PPM1G: variants seen among roughly 807,000 people sequenced by gnomAD.
PPM1G encodes the protein protein phosphatase 1G.
Under a neutral mutation model 59.4 loss-of-function variants are expected in PPM1G, and 12 were observed. The observed-to-expected ratio is 0.20, with a 90% CI of 0.13 to 0.33. The LOEUF is 0.33. PPM1G is among the 10% of genes least tolerant of loss of function. The probability of loss-of-function intolerance (pLI) is 1.00; values close to 1 mark genes in which losing one functional copy is unlikely to be tolerated. For synonymous variants in PPM1G, 245 were observed against 251.9 expected (o/e 0.97, Z 0.26); for missense variants, 392 against 681.3 (o/e 0.58, Z 4.73).
intron 1 of PPM1G, chr2:27,393,060 G>T: frequency 7.8e-7 from 1 of 1,286,378 alleles, no homozygotes; most frequent in East Asian, 2.3e-5. Flanking sequence ...GTAATCCATC[G>T]CATTCAGCCC....
chr2:27,394,014 G>A (rs956638522), intron 1 of PPM1G, among the ~76,000 whole-genome samples: 1 of 151,928 alleles, frequency 6.6e-6, no homozygotes. Flanking sequence ...CACCTGCCTC[G>A]GCCTCCCAAA....
In PPM1G at chr2:27,381,260, C is replaced by T; in HGVS notation, c.*339G>A. On this transcript the variant is annotated 3_prime_UTR_variant, in exon 10 of 10. Transcript: ENST00000344034. ...GAAAGTGTACAACAGAGAGCGGGTG[C>T]AAGCGGCCGAGGGCCATGGAGCCGC... The T allele has an allele frequency of 2.6e-6, 1 of 389,298 alleles. No individual in the cohort carries two copies. Among genetic ancestry groups the T allele is most frequent in the Non-Finnish European group, 4.8e-6 (1 of 209,058 alleles). The allele number at this position is 389,298 out of a possible 1,614,324, so 24.1% of individuals were successfully genotyped here.
rs1048753961 is a variant in PPM1G at position 27,395,840 on chromosome 2, CA to C, written c.121-8683del. ...AGCATGAGCAAGAATAAGACCGTCT[CA>C]AAAAAAAAAAAAAAGAAAAAGGAAA... On this transcript the variant is annotated intron_variant, in intron 1 of 9. Transcript: ENST00000344034. 9.1e-3 allele frequency among the ~76,000 whole-genome samples: 520 copies of C among 57,082 alleles called. 1 individual carries two copies. The highest frequency in any genetic ancestry group is 0.022 in the African/African-American group (338 of 15,604). 37.4% of individuals were successfully genotyped at this position (57,082 alleles called of 152,430 possible).
chr2:27,386,376 T>C (rs901324666), intron 2 of PPM1G, 97 bp from the exon 3 acceptor site: 2 of 869,756 alleles, frequency 2.3e-6, no homozygotes, highest in Non-Finnish European at 3.8e-6. Context: ...ACCCCAAGGG[T>C]TGAGGGGATA....
chr2:27,389,273 T>C (rs2148420579), intron 1 of PPM1G, among the ~76,000 whole-genome samples: 1 of 152,280 alleles, frequency 6.6e-6, no homozygotes, highest in African/African-American at 2.4e-5. Flanking sequence ...TACACATATA[T>C]GTATATTCTG....
At chr2:27,381,928 A>G (rs1300142929) in intron 9 of PPM1G, 123 bp from the exon 10 acceptor site, 3 of 1,067,862 alleles carry the variant, frequency 2.8e-6, no homozygotes, top group Non-Finnish European at 4.2e-6. Context: ...AAGAGGTATC[A>G]CACAACGGCC....
At position 27,390,269 on chromosome 2, in the gene PPM1G, C is replaced by A. The variant is rs190345307; in HGVS notation, c.121-3111G>T. ...TCCTGAGCTCAAGTGATCTGCCCAGCTCGGCCTCCCAAAACGCTGGGATTA... is the reference window on the plus strand; with the variant it reads ...TCCTGAGCTCAAGTGATCTGCCCAGATCGGCCTCCCAAAACGCTGGGATTA... On this transcript the variant is annotated intron_variant, in intron 1 of 9. Coordinates refer to ENST00000344034, the MANE Select transcript of PPM1G (RefSeq NM_177983.3). Among the ~76,000 whole-genome samples, 494 of 152,306 alleles carry A rather than the reference C, an allele frequency of 3.2e-3. 1 individual carries two copies. Among genetic ancestry groups the A allele is most frequent in the African/African-American group, 0.012 (483 of 41,564 alleles).
Position 27,382,645 on chromosome 2 carries a change from C to A in PPM1G, c.1202-40G>T. The A allele has an allele frequency of 6.2e-7, 1 of 1,611,566 alleles. No individual in the cohort carries two copies. Among genetic ancestry groups the A allele is most frequent in the Non-Finnish European group, 8.5e-7 (1 of 1,178,314 alleles). On this transcript the variant is annotated intron_variant, in intron 7 of 9. Coordinates refer to ENST00000344034, the MANE Select transcript of PPM1G (RefSeq NM_177983.3). The surrounding 1 kb of genome is among the most constrained non-coding windows in gnomAD (Gnocchi z 4.2). ...TGGTTGATGAGCAGTTTGGATACTT[C>A]CCACAGACTTGTGTTTGTGGCAGGT...
At position 27,381,808 on chromosome 2, in the gene PPM1G, A is replaced by G; in HGVS notation, c.1435-3T>C. The stretch of plus-strand genomic sequence containing the variant: ...GGTGCCAGGCACTGATCCAGCAGCT[A>G]AGAAAGGGATGGGGGTAGCTCAGCC... On this transcript the variant is annotated splice_polypyrimidine_tract_variant and splice_region_variant and intron_variant, in intron 9 of 9. Coordinates refer to ENST00000344034, the MANE Select transcript of PPM1G (RefSeq NM_177983.3). 1 of 1,612,252 alleles carries G rather than the reference A, an allele frequency of 6.2e-7. No individual in the cohort carries two copies. The highest frequency in any genetic ancestry group is 8.5e-7 in the Non-Finnish European group (1 of 1,179,810).
Position 27,381,593 on chromosome 2 carries a change from T to C in PPM1G, c.*6A>G, listed in dbSNP as rs1683631821. On this transcript the variant is annotated 3_prime_UTR_variant, in exon 10 of 10. Coordinates refer to ENST00000344034, the MANE Select transcript of PPM1G (RefSeq NM_177983.3). Reference sequence around the variant, plus strand: ...CAGTCTAGGTGGGCAGGGGTCTGGATGACTGCTAGTCTCGCTTGGCCTTCT... The same window carrying C: ...CAGTCTAGGTGGGCAGGGGTCTGGACGACTGCTAGTCTCGCTTGGCCTTCT... The C allele has an allele frequency of 3.1e-6, 5 of 1,614,048 alleles. No individual in the cohort carries two copies. Among genetic ancestry groups the C allele is most frequent in the Non-Finnish European group, 4.2e-6 (5 of 1,180,036 alleles).
rs1292561449 is a variant in PPM1G, at chr2:27,381,300, G to C, written c.*299C>G. ...CATGGAGCCGCCAATAAAAAAGAAT[G>C]TCCTTAAATAAAGTTCACAGAGTAA... On this transcript the variant is annotated 3_prime_UTR_variant, in exon 10 of 10. Transcript: ENST00000344034. 6.4e-6 allele frequency: 3 copies of C among 470,168 alleles called. No individual in the cohort carries two copies. The highest frequency in any genetic ancestry group is 1.2e-5 in the Non-Finnish European group (3 of 258,510). The allele number at this position is 470,168 out of a possible 1,614,324, so 29.1% of individuals were successfully genotyped here. A position where few individuals can be genotyped will look rare whatever the true frequency, so the allele number is the denominator to read the frequency against.
At chr2:27,392,915 C>T in intron 1 of PPM1G, 1 of 1,430,222 alleles carries the variant, frequency 7.0e-7, no homozygotes, top group Non-Finnish European at 9.7e-7. Flanking sequence ...TTCACTTGTT[C>T]ATTCAGGTAA....
chr2:27,388,700 C>A (rs1478455420), intron 1 of PPM1G, among the ~76,000 whole-genome samples: 5 of 151,818 alleles, frequency 3.3e-5, no homozygotes, highest in Admixed American at 2.0e-4. Context: ...ATGGTGAAAC[C>A]CCGTCTCTAC....
At chr2:27,399,146 A>AAACAACAACAAC (rs142026887) in intron 1 of PPM1G, among the ~76,000 whole-genome samples, 5,679 of 150,430 alleles carry the variant, frequency 0.038, 123 homozygotes, top group African/African-American at 0.044. Flanking sequence ...CCCCCGACCA[A>AAACAACAACAAC]AACAACAACA....
At chr2:27,386,446 A>C in intron 2 of PPM1G, 167 bp from the exon 3 acceptor site, 1 of 484,630 alleles carries the variant, frequency 2.1e-6, no homozygotes, top group Non-Finnish European at 3.7e-6. Context: ...TTCTGATCCA[A>C]AAAAATGGAT....
At chr2:27,393,277 C>T (rs1683962383) in intron 1 of PPM1G, 9 of 1,595,682 alleles carry the variant, frequency 5.6e-6, no homozygotes, top group South Asian at 1.1e-5. Flanking sequence ...ATGGAGGAGG[C>T]GTAGAGCTCC....
Position 27,409,378 on chromosome 2 carries a change from C to A in PPM1G, c.45G>T (p.Gly15=). The A allele has an allele frequency of 6.5e-7, 1 of 1,541,380 alleles. No individual in the cohort carries two copies. Reference sequence around the variant, plus strand: ...GCAGGCGCGGGGCGCCGACCCCGTCCCCGGAGCACTTCACCGTGTTGGGCT... The same window carrying A: ...GCAGGCGCGGGGCGCCGACCCCGTCACCGGAGCACTTCACCGTGTTGGGCT... ...LSQPNTVKCS[G]DGVGAPRLPL... is the part of the protein sequence containing the mutation. The change falls in exon 1 of 10, where the codon GGG becomes GGT. Residue 15 remains glycine (G), a synonymous_variant. Transcript: ENST00000344034.
chr2:27,407,979 G>A (rs576736564), intron 1 of PPM1G, among the ~76,000 whole-genome samples: 20 of 152,114 alleles, frequency 1.3e-4, no homozygotes, highest in Admixed American at 2.6e-4. Context: ...CCTGGGAGGC[G>A]GAGGTTGCGG....
intron 1 of PPM1G, among the ~76,000 whole-genome samples, chr2:27,407,670 C>T (rs2148429712): frequency 6.6e-6 from 1 of 152,302 alleles, no homozygotes; most frequent in Admixed American, 6.5e-5. Context: ...TTAACAATGT[C>T]TAGTGTCTTC....
Sources: allele counts gnomAD v4.1 joint callset (sites outside exome capture counted in the v4.1 genomes callset), GRCh38; gene constraint gnomAD v4.1.1; non-coding constraint Gnocchi (gnomAD v3.1); transcripts MANE v1.5; gene names NCBI Gene and HGNC (gene_info 2026-07-23, HGNC 2026-07-21).